The following DONSON variants were observed in gnomAD, a reference collection of about 807,000 sequenced individuals.
DONSON encodes DNA replication fork stabilization factor DONSON, also known as protein downstream neighbor of Son.
In DONSON, 43 loss-of-function variants were observed where a neutral mutation model predicts 62.1. The observed-to-expected ratio is 0.69, with a 90% CI of 0.54 to 0.89. The LOEUF is 0.89. Among genes scored for constraint, DONSON ranks in the 40% least tolerant of loss-of-function variants. The pLI, the probability that DONSON is intolerant of heterozygous loss-of-function variation, is 0.00. For synonymous variants in DONSON, 266 were observed against 264.6 expected, an observed-to-expected ratio of 1.01 and a Z score of -0.05; for missense variants, 696 against 697.5, an observed-to-expected ratio of 1.00 and a Z score of 0.03.
At chr21:33,585,932 A>G (rs1397011837) in intron 3 of DONSON, 46 bp downstream of exon 3, 2 of 1,580,368 alleles carry the variant, frequency 1.3e-6, no homozygotes, top group East Asian at 2.2e-5. Flanking sequence ...AGCATTTCAC[A>G]CTTAATTTGT....
In DONSON at chr21:33,587,528, T is replaced by C; in HGVS notation, c.396A>G (p.Leu132=). The stretch of plus-strand genomic sequence containing the variant: ...GATATTTAAAAAGTATTACCTGAGG[T>C]AATTCAGTAACAGTTGTTCTTTCAG... ...KFPERTTVTE[L]PQTSHVSFSE... The change falls in exon 2 of 10, where the codon TTA becomes TTG. Residue 132 remains leucine (L), a synonymous_variant. Transcript: ENST00000303071. The C allele has an allele frequency of 6.3e-7, 1 of 1,590,756 alleles. No individual in the cohort carries two copies. Among genetic ancestry groups the C allele is most frequent in the African/African-American group, 1.4e-5 (1 of 73,466 alleles).
rs919517868 is a variant in DONSON at position 33,588,673 on chromosome 21, C to G, written c.-32G>C. ...CGGCGGCTGAGGGTAGCCGGCCGCC[C>G]TACAGAGACTTCCCGCGCGCGCCGG... On this transcript the variant is annotated 5_prime_UTR_variant, in exon 1 of 10. Coordinates refer to ENST00000303071, the MANE Select transcript of DONSON (RefSeq NM_017613.4). The G allele has an allele frequency of 6.5e-6, 8 of 1,225,040 alleles. No individual in the cohort carries two copies. The highest frequency in any genetic ancestry group is 8.1e-6 in the Non-Finnish European group (8 of 983,198). The allele number at this position is 1,225,040 out of a possible 1,614,324, so 75.9% of individuals were successfully genotyped here.
At chr21:33,582,081 C>T (rs1322825780) in intron 6 of DONSON, 26 bp from the exon 7 acceptor site, 1 of 1,612,224 alleles carries the variant, frequency 6.2e-7, no homozygotes, top group East Asian at 2.2e-5. Context: ...AGTTAGAGTC[C>T]CTATTTCACA....
At position 33,579,563 on chromosome 21, in the gene DONSON, CTT is replaced by C; in HGVS notation, c.1351-3_1351-2del. The C allele has an allele frequency of 1.2e-6, 2 of 1,609,090 alleles. No homozygotes were observed. The highest frequency in any genetic ancestry group is 1.7e-6 in the Non-Finnish European group (2 of 1,176,888). ...GTGTCTTCACATTCACACTCCGTGC[CTT>C]CATGAAAATGTAAAGAAAAGGAAAA... On this transcript the variant is annotated splice_acceptor_variant and splice_polypyrimidine_tract_variant and intron_variant, in intron 8 of 9. Coordinates refer to ENST00000303071, the MANE Select transcript of DONSON (RefSeq NM_017613.4). LOFTEE classifies it high-confidence loss of function.
intron 8 of DONSON, among the ~76,000 whole-genome samples, chr21:33,580,916 A>C (rs1347116271): frequency 2.6e-5 from 4 of 151,664 alleles, no homozygotes; most frequent in East Asian, 1.9e-4. Flanking sequence ...AAAAAAAAAA[A>C]CAAAAAAAAT....
chr21:33,579,318 C>G, intron 9 of DONSON, 32 bp downstream of exon 9: 1 of 1,470,960 alleles, frequency 6.8e-7, no homozygotes, highest in Non-Finnish European at 9.1e-7. Context: ...GAAACTACAA[C>G]TAAAACAGTC....
intron 8 of DONSON, among the ~76,000 whole-genome samples, chr21:33,579,967 G>GA (rs2086486758): frequency 6.6e-6 from 1 of 151,128 alleles, no homozygotes; most frequent in Non-Finnish European, 1.5e-5. Context: ...GGCCAAGGTG[G>GA]GCAGATCACT....
chr21:33,582,027 C>T lies in DONSON; in HGVS notation c.1075G>A (p.Glu359Lys), dbSNP rs755049929. The change falls in exon 7 of 10, where the codon GAG becomes AAG. Residue 359 changes from glutamate to lysine, a missense_variant. Glu to Lys is a moderately conservative substitution (Grantham distance 56). Coordinates refer to ENST00000303071, the MANE Select transcript of DONSON (RefSeq NM_017613.4). The stretch of plus-strand genomic sequence containing the variant: ...TCTTCCAGCCAGGAAAAACTTTCCT[C>T]TTCATCCTCATCACTGATGGCTTGC... ...EEQAISDEDE[E>K]ESFSWLEEMG... is the part of the protein sequence containing the mutation. 1.3e-5 allele frequency: 21 copies of T among 1,614,042 alleles called. No homozygotes were observed. Among genetic ancestry groups the T allele is most frequent in the Non-Finnish European group, 1.8e-5 (21 of 1,180,012 alleles).
At position 33,588,683 on chromosome 21, in the gene DONSON, T is replaced by C. The variant is rs1446914202; in HGVS notation, c.-42A>G. The C allele has an allele frequency of 8.2e-7, 1 of 1,221,088 alleles. No homozygotes were observed. The allele number at this position is 1,221,088 out of a possible 1,614,324, so 75.6% of individuals were successfully genotyped here. On this transcript the variant is annotated 5_prime_UTR_variant, in exon 1 of 10. Transcript: ENST00000303071. ...GGGTAGCCGGCCGCCCTACAGAGAC[T>C]TCCCGCGCGCGCCGGGCCCGCCCCT... is the stretch of plus-strand genomic sequence containing the variant.
chr21:33,578,351 G>A lies in DONSON; in HGVS notation c.1657C>T (p.Arg553Trp), dbSNP rs113553347. Residue 553 changes from arginine (R) to tryptophan (W), a missense_variant, in exon 10 of 10, where the codon CGG (arginine) becomes TGG (tryptophan). Arg to Trp is a moderately radical substitution (Grantham distance 101, BLOSUM62 -3). Transcript: ENST00000303071. ...QIPLLGKSSL[R>W]NVVLRDYIYN... is the part of the protein sequence containing the mutation. ...ATGTAGTCTCTCAGCACCACATTCC[G>A]TAAAGATGATTTCCCAAGTAACGGT... is the stretch of plus-strand genomic sequence containing the variant. The A allele has an allele frequency of 3.3e-5, 54 of 1,613,846 alleles. No homozygotes were observed. In the Middle Eastern group the frequency reaches 4.9e-4, roughly 15 times the overall value.
In DONSON at chr21:33,588,445, C is replaced by T; in HGVS notation, c.197G>A (p.Gly66Asp). 1 of 1,306,142 alleles carries T rather than the reference C, an allele frequency of 7.7e-7. No individual in the cohort carries two copies. The highest frequency in any genetic ancestry group is 9.7e-7 in the Non-Finnish European group (1 of 1,028,366). 80.9% of individuals were successfully genotyped at this position (1,306,142 alleles called of 1,614,324 possible). ...AGCGGCCGGGCCGCCGCCGCTGCCA[C>T]CGCCTCTGCCCCCCGCAGCAGGGAA... ...RPFPAAGGRG[G>D]GSGGGPAAAR... Residue 66 changes from glycine to aspartate, a missense_variant, in exon 1 of 10, where the codon GGT becomes GAT. Transcript: ENST00000303071.
intron 2 of DONSON, 140 bp from the exon 3 acceptor site, chr21:33,586,321 C>T (rs753360310): frequency 2.7e-6 from 2 of 739,244 alleles, no homozygotes; most frequent in African/African-American, 1.8e-5. Context: ...ATACATTACA[C>T]ACTGTAAAAA....
chr21:33,588,256 A>G, intron 1 of DONSON, 65 bp downstream of exon 1: 1 of 1,171,420 alleles, frequency 8.5e-7, no homozygotes, highest in Non-Finnish European at 1.1e-6. Flanking sequence ...TCCATCCCCC[A>G]TTCACAGCTG....
At chr21:33,585,660 T>A (rs1304233475) in intron 3 of DONSON, among the ~76,000 whole-genome samples, 1 of 151,986 alleles carries the variant, frequency 6.6e-6, no homozygotes, top group Non-Finnish European at 1.5e-5. Context: ...TCCCACCCAA[T>A]TGCTTTTCAC....
chr21:33,579,392 A>T lies in DONSON; in HGVS notation c.1521T>A (p.Ala507=), dbSNP rs762873830. Residue 507 remains alanine (A), a synonymous_variant, in exon 9 of 10, where the codon GCT becomes GCA. Coordinates refer to ENST00000303071, the MANE Select transcript of DONSON (RefSeq NM_017613.4). The part of the protein sequence containing the change: ...SAVLYPHEPT[A]VFNICLQMDK... ...CCATTTGCAGGCAGATGTTAAATAC[A>T]GCAGTTGGCTCGTGTGGATACAGTA... is the stretch of plus-strand genomic sequence containing the variant. 5.0e-6 allele frequency: 8 copies of T among 1,612,160 alleles called. No homozygotes were observed. The highest frequency in any genetic ancestry group is 5.9e-6 in the Non-Finnish European group (7 of 1,178,576).
intron 3 of DONSON, among the ~76,000 whole-genome samples, 166 bp from the exon 4 acceptor site, chr21:33,584,934 G>T (rs1017106766): frequency 1.3e-5 from 2 of 152,158 alleles, no homozygotes; most frequent in African/African-American, 4.8e-5. Context: ...CCTTATTTGA[G>T]CCAGATGTAA....
chr21:33,583,799 G>A (rs1386080968), intron 4 of DONSON, 133 bp from the exon 5 acceptor site: 1 of 786,718 alleles, frequency 1.3e-6, no homozygotes, highest in Non-Finnish European at 1.9e-6. Flanking sequence ...AATTTTTGTG[G>A]TTACGTATGA....
At position 33,578,135 on chromosome 21, in the gene DONSON, T is replaced by A. The variant is rs143316514; in HGVS notation, c.*172A>T. ...GAGTTATCTGAGTTTTTCATCTTTATATCTAAAAATCTAATCTGAAAATAG... is the reference window on the plus strand; with the variant it reads ...GAGTTATCTGAGTTTTTCATCTTTAAATCTAAAAATCTAATCTGAAAATAG... On this transcript the variant is annotated 3_prime_UTR_variant, in exon 10 of 10. Coordinates refer to ENST00000303071, the MANE Select transcript of DONSON (RefSeq NM_017613.4). 153 of 644,912 alleles carry A rather than the reference T, an allele frequency of 2.4e-4. No homozygotes were observed. The African/African-American group carries it at 2.4e-3, about 10-fold the overall frequency. 39.9% of individuals were successfully genotyped at this position (644,912 alleles called of 1,614,324 possible).
In DONSON at chr21:33,588,547, G is replaced by A. The variant is rs1031175520; in HGVS notation, c.95C>T (p.Ala32Val). Reference sequence around the variant, plus strand: ...CGTCAGCTCACGGGGCGGGGAGGCGGCAGCTCCACGGCTCCGGGCCCTTTT... The same window carrying A: ...CGTCAGCTCACGGGGCGGGGAGGCGACAGCTCCACGGCTCCGGGCCCTTTT... The part of the protein sequence containing the change: ...RRKRARSRGA[A>V]ASPPRELTEP... The change falls in exon 1 of 10, where the codon GCC becomes GTC. Residue 32 changes from alanine (A) to valine (V), a missense_variant. Transcript: ENST00000303071. 48 of 1,249,450 alleles carry A rather than the reference G, an allele frequency of 3.8e-5. No homozygotes were observed. Among genetic ancestry groups the A allele is most frequent in the Non-Finnish European group, 4.5e-5 (45 of 997,534 alleles). The allele number at this position is 1,249,450 out of a possible 1,614,324, so 77.4% of individuals were successfully genotyped here.
Sources: allele counts gnomAD v4.1 joint callset (sites outside exome capture counted in the v4.1 genomes callset), GRCh38; gene constraint gnomAD v4.1.1; transcripts MANE v1.5; gene names NCBI Gene and HGNC (gene_info 2026-07-23, HGNC 2026-07-21).